CPSF6: variants seen among roughly 807,000 people sequenced by gnomAD.
The protein encoded by CPSF6 is cleavage and polyadenylation specific factor 6.
In CPSF6, 10 loss-of-function variants were observed where a neutral mutation model predicts 56.7. That is an observed-to-expected ratio of 0.18 (90% confidence interval 0.11 to 0.30). CPSF6 has a LOEUF of 0.30. CPSF6 is among the 10% of genes least tolerant of loss of function. The probability of loss-of-function intolerance (pLI) is 1.00; values close to 1 mark genes in which losing one functional copy is unlikely to be tolerated. For synonymous variants in CPSF6, 248 were observed against 244.8 expected, an observed-to-expected ratio of 1.01 and a Z score of -0.12; for missense variants, 419 against 722.9, an observed-to-expected ratio of 0.58 and a Z score of 4.82.
intron 1 of CPSF6, among the ~76,000 whole-genome samples, chr12:69,249,480 C>T (rs1251179716): frequency 1.3e-5 from 2 of 151,988 alleles, no homozygotes; most frequent in Non-Finnish European, 2.9e-5. Flanking sequence ...ATTAGCTCCT[C>T]CATATGTGCC....
chr12:69,266,698 C>T (rs1873003899), intron 9 of CPSF6, among the ~76,000 whole-genome samples: 1 of 152,104 alleles, frequency 6.6e-6, no homozygotes, highest in African/African-American at 2.4e-5. Flanking sequence ...TTTGACTCTC[C>T]ATGAATTATA....
intron 2 of CPSF6, 123 bp from the exon 3 acceptor site, chr12:69,252,928 T>G (rs1345063752): frequency 5.2e-6 from 3 of 573,988 alleles, no homozygotes; most frequent in Non-Finnish European, 9.1e-6. Context: ...ATAACTAGAC[T>G]TAGATTTGCA....
chr12:69,258,682 C>A lies in CPSF6; in HGVS notation c.787C>A (p.Leu263Ile). 3 of 1,614,140 alleles carry A rather than the reference C, an allele frequency of 1.9e-6. No homozygotes were observed. The highest frequency in any genetic ancestry group is 2.5e-6 in the Non-Finnish European group (3 of 1,180,028). ...PPPGQVLPPP[L>I]AGPPNRGDRP... is the part of the protein sequence containing the mutation. ...TCCTGGTCAGGTTCTGCCTCCTCCT[C>A]TAGCTGGGCCTCCTAATCGAGGAGA... The change falls in exon 6 of 10, where the codon CTA (leucine) becomes ATA (isoleucine). Residue 263 changes from leucine (L) to isoleucine (I), a missense_variant. This residue lies in a region of CPSF6 where 211 missense variants were observed against 296.0 expected (regional missense o/e 0.71). Coordinates refer to ENST00000435070, the MANE Select transcript of CPSF6 (RefSeq NM_007007.3). The surrounding 1 kb of genome is among the most constrained non-coding windows in gnomAD (Gnocchi z 4.2).
Position 69,251,289 on chromosome 12 carries a change from A to G in CPSF6, c.221A>G (p.Tyr74Cys), listed in dbSNP as rs1474988022. ...AAAGGAGCAGCACCAAATGTTGTCT[A>G]TACATATACTGGAAAGAGAATTGCA... ...VGKGAAPNVV[Y>C]TYTGKRIALY... Residue 74 changes from tyrosine to cysteine, a missense_variant, in exon 2 of 10, where the codon TAT (tyrosine) becomes TGT (cysteine). Coordinates refer to ENST00000435070, the MANE Select transcript of CPSF6 (RefSeq NM_007007.3). 6 of 1,598,648 alleles carry G rather than the reference A, an allele frequency of 3.8e-6. No homozygotes were observed. Among genetic ancestry groups the G allele is most frequent in the African/African-American group, 2.7e-5 (2 of 74,672 alleles).
intron 1 of CPSF6, among the ~76,000 whole-genome samples, chr12:69,244,676 A>G (rs1472730198): frequency 2.7e-5 from 4 of 150,478 alleles, no homozygotes; most frequent in African/African-American, 9.8e-5. Flanking sequence ...AATTACAGGC[A>G]TGAACGACTG....
chr12:69,259,596 T>TA, intron 7 of CPSF6, 53 bp downstream of exon 7: 1 of 1,460,704 alleles, frequency 6.8e-7, no homozygotes, highest in Non-Finnish European at 9.3e-7. Context: ...AGGAATGACC[T>TA]AAAAATGTAA....
Position 69,240,577 on chromosome 12 carries a change from C to T in CPSF6, c.60+871C>T, listed in dbSNP as rs1304121575. On this transcript the variant is annotated intron_variant, in intron 1 of 9. Coordinates refer to ENST00000435070, the MANE Select transcript of CPSF6 (RefSeq NM_007007.3). The stretch of plus-strand genomic sequence containing the variant: ...AAAAGATGTTAGCTCACCCACAGAT[C>T]TCATAGTGATTAAAATGAAAGAACG... Among the ~76,000 whole-genome samples the T allele has an allele frequency of 3.3e-5, 5 of 152,206 alleles. No homozygotes were observed. The East Asian group carries it at 7.7e-4, about 24-fold the overall frequency.
chr12:69,268,341 ATTTTT>A (rs981089813), intron 9 of CPSF6, among the ~76,000 whole-genome samples: 3 of 150,584 alleles, frequency 2.0e-5, no homozygotes, highest in African/African-American at 7.3e-5. Context: ...TCTGGATTGT[ATTTTT>A]TTTTCTTTTG....
At chr12:69,242,096 C>G (rs1192598976) in intron 1 of CPSF6, among the ~76,000 whole-genome samples, 1 of 152,074 alleles carries the variant, frequency 6.6e-6, no homozygotes, top group Non-Finnish European at 1.5e-5. Context: ...GACCTTATTT[C>G]TACTAGTTGC....
At chr12:69,260,318 G>GTTT in intron 8 of CPSF6, 121 bp downstream of exon 8, 1 of 615,840 alleles carries the variant, frequency 1.6e-6, no homozygotes, top group Non-Finnish European at 2.5e-6. Context: ...CAGCTGGAGT[G>GTTT]GTTTTTTTTT....
chr12:69,245,096 TAA>T (rs11317829), intron 1 of CPSF6, among the ~76,000 whole-genome samples: 61,671 of 137,848 alleles, frequency 0.45, 13,342 homozygotes, highest in African/African-American at 0.46. Context: ...CGTCTCTATT[TAA>T]AAAAAAAAAA....
chr12:69,251,296 T>C lies in CPSF6; in HGVS notation c.228T>C (p.Tyr76=), dbSNP rs141570992. 1.3e-5 allele frequency: 20 copies of C among 1,591,872 alleles called. No homozygotes were observed. The East Asian group carries it at 1.6e-4, about 12-fold the overall frequency. ...CAGCACCAAATGTTGTCTATACATATACTGGAAAGAGAATTGCATTATATA... is the reference window on the plus strand; with the variant it reads ...CAGCACCAAATGTTGTCTATACATACACTGGAAAGAGAATTGCATTATATA... ...KGAAPNVVYT[Y]TGKRIALYIG... Residue 76 remains tyrosine (Y), a synonymous_variant, in exon 2 of 10, where the codon TAT becomes TAC. Transcript: ENST00000435070.
intron 6 of CPSF6, 87 bp from the exon 7 acceptor site, chr12:69,259,341 G>T (rs1036059193): frequency 7.0e-5 from 103 of 1,464,462 alleles, no homozygotes; most frequent in Non-Finnish European, 9.1e-5. Flanking sequence ...CATGTCAGAA[G>T]CAGCTAGTAT....
chr12:69,265,863 A>G (rs1228959952), intron 9 of CPSF6, among the ~76,000 whole-genome samples: 6 of 151,682 alleles, frequency 4.0e-5, no homozygotes, highest in African/African-American at 9.7e-5. Context: ...CTGCCTCCCA[A>G]AGTGCTGGGA....
chr12:69,239,736 A>G (rs1234853232), intron 1 of CPSF6, 30 bp downstream of exon 1: 1 of 1,556,388 alleles, frequency 6.4e-7, no homozygotes. Flanking sequence ...CCCGCCGCCG[A>G]CGCGGGCGGC....
chr12:69,239,768 CG>C (rs1871500470), intron 1 of CPSF6, 62 bp downstream of exon 1: 2 of 1,471,534 alleles, frequency 1.4e-6, no homozygotes, highest in South Asian at 1.3e-5. Flanking sequence ...GAAGCTGACC[CG>C]GGGCCCGCTG....
In CPSF6 at chr12:69,270,668, G is replaced by A. The variant is rs973324429; in HGVS notation, c.*1160G>A. ...GTCTGCACAGTTTAAGGAATACTAT[G>A]TATATTCATGCACCGTATTGATTCA... On this transcript the variant is annotated 3_prime_UTR_variant, in exon 10 of 10. Coordinates refer to ENST00000435070, the MANE Select transcript of CPSF6 (RefSeq NM_007007.3). 6 of 151,678 alleles carry A rather than the reference G, an allele frequency of 4.0e-5. No individual in the cohort carries two copies. Among genetic ancestry groups the A allele is most frequent in the Non-Finnish European group, 7.4e-5 (5 of 67,642 alleles). The allele number at this position is 151,678 out of a possible 1,614,324, so 9.4% of individuals were successfully genotyped here. A position where few individuals can be genotyped will look rare whatever the true frequency, so the allele number is the denominator to read the frequency against.
Position 69,272,894 on chromosome 12 carries a change from G to GTGTA in CPSF6, c.*3389_*3392dup, listed in dbSNP as rs1335686660. 9.1e-6 allele frequency: 2 copies of GTGTA among 218,908 alleles called. No homozygotes were observed. Among genetic ancestry groups the GTGTA allele is most frequent in the Non-Finnish European group, 1.9e-5 (2 of 106,192 alleles). 13.6% of individuals were successfully genotyped at this position (218,908 alleles called of 1,614,324 possible). On this transcript the variant is annotated 3_prime_UTR_variant, in exon 10 of 10. Transcript: ENST00000435070. ...AGTGTGTGTGTGTGTGTGTGTGTGT[G>GTGTA]TGTATGCGTTTTTTTAACCTTAACT...
chr12:69,259,567 ATT>A (rs1872658023), intron 7 of CPSF6, 24 bp downstream of exon 7: 1 of 1,580,570 alleles, frequency 6.3e-7, no homozygotes, highest in African/African-American at 1.4e-5. Context: ...TTGTATTAAT[ATT>A]TCTTATTTAT....
Sources: allele counts gnomAD v4.1 joint callset (sites outside exome capture counted in the v4.1 genomes callset), GRCh38; gene constraint gnomAD v4.1.1; regional missense constraint gnomAD v4.1.1; non-coding constraint Gnocchi (gnomAD v3.1); transcripts MANE v1.5; gene names NCBI Gene and HGNC (gene_info 2026-07-23, HGNC 2026-07-21).